The following RASA1 variants were observed in gnomAD, a reference collection of about 807,000 sequenced individuals.
RASA1 encodes the protein ras GTPase-activating protein 1.
Under a neutral mutation model 132.2 loss-of-function variants are expected in RASA1, and 25 were observed. The observed-to-expected ratio is 0.19, with a 90% CI of 0.14 to 0.26. The LOEUF (loss-of-function observed/expected upper bound fraction) is 0.26, where lower values mean the gene tolerates loss of function less well. RASA1 is among the 10% of genes least tolerant of loss of function. The pLI is 1.00. For missense variants in RASA1, 964 were observed against 1,299.2 expected, an observed-to-expected ratio of 0.74 and a Z score of 3.97; for synonymous variants, 477 against 449.9, an observed-to-expected ratio of 1.06 and a Z score of -0.76.
At chr5:87,331,551 A>ATT in intron 2 of RASA1, 51 bp downstream of exon 2, 1 of 1,557,898 alleles carries the variant, frequency 6.4e-7, no homozygotes, top group South Asian at 1.1e-5. Flanking sequence ...ATTTTGATAT[A>ATT]ATATTCATAA....
intron 1 of RASA1, among the ~76,000 whole-genome samples, chr5:87,269,887 G>C (rs1042787032): frequency 1.3e-5 from 2 of 152,122 alleles, no homozygotes; most frequent in Admixed American, 1.3e-4. Context: ...GTTGAGATGG[G>C]AAGTGTTATT....
At position 87,376,480 on chromosome 5, in the gene RASA1, G is replaced by T. The variant is rs753600180; in HGVS notation, c.2099G>T (p.Gly700Val). ...FLLSSHIPLK[G>V]IEPGSLRVRA... ...CTCAGCTCCCATATACCATTAAAAG[G>T]TATTGAACCAGGGTCCCTGCGTGTT... Residue 700 changes from glycine (G) to valine (V), a missense_variant, in exon 16 of 25, where the codon GGT (glycine) becomes GTT (valine). Transcript: ENST00000274376. 1.9e-6 allele frequency: 3 copies of T among 1,613,978 alleles called. No individual in the cohort carries two copies. Among genetic ancestry groups the T allele is most frequent in the Non-Finnish European group, 2.5e-6 (3 of 1,179,948 alleles).
chr5:87,286,369 A>T (rs1020757770), intron 1 of RASA1, among the ~76,000 whole-genome samples: 47 of 151,260 alleles, frequency 3.1e-4, no homozygotes, highest in African/African-American at 1.0e-3. Context: ...CCTTTTACTG[A>T]TCTCTTCCTC....
intron 1 of RASA1, among the ~76,000 whole-genome samples, chr5:87,298,078 A>AG (rs1454240548): frequency 1.3e-5 from 2 of 152,050 alleles, no homozygotes; most frequent in Non-Finnish European, 2.9e-5. Context: ...TTTACTTGTT[A>AG]GGATGGAGTG....
Position 87,391,219 on chromosome 5 carries a change from G to C in RASA1, c.*336G>C, listed in dbSNP as rs958450977. 2.3e-6 allele frequency: 1 copy of C among 437,448 alleles called. No individual in the cohort carries two copies. Among genetic ancestry groups the C allele is most frequent in the East Asian group, 3.8e-5 (1 of 26,116 alleles). 27.1% of individuals were successfully genotyped at this position (437,448 alleles called of 1,614,324 possible). The stretch of plus-strand genomic sequence containing the variant: ...AAATATATTTTCAGTACACCCAGTT[G>C]CCAAAGTTTTGCTGTCTCTTAGAGA... On this transcript the variant is annotated 3_prime_UTR_variant, in exon 25 of 25. Transcript: ENST00000274376.
At chr5:87,277,146 G>A (rs1754100348) in intron 1 of RASA1, among the ~76,000 whole-genome samples, 1 of 152,066 alleles carries the variant, frequency 6.6e-6, no homozygotes, top group African/African-American at 2.4e-5. Context: ...CCTCATTGTT[G>A]AGGAAACTGA....
At chr5:87,380,805 AT>A (rs1321979866) in intron 20 of RASA1, among the ~76,000 whole-genome samples, 5 of 152,174 alleles carry the variant, frequency 3.3e-5, no homozygotes, top group African/African-American at 1.2e-4. Flanking sequence ...ATGAACATTC[AT>A]TTATAGTCAA....
chr5:87,362,127 C>T (rs1760149493), intron 9 of RASA1, among the ~76,000 whole-genome samples: 1 of 152,158 alleles, frequency 6.6e-6, no homozygotes, highest in Non-Finnish European at 1.5e-5. Flanking sequence ...TGTCTGTATT[C>T]ACCTAGCATT....
chr5:87,289,024 G>A (rs866206696), intron 1 of RASA1, among the ~76,000 whole-genome samples: 18 of 152,008 alleles, frequency 1.2e-4, no homozygotes, highest in African/African-American at 3.4e-4. Flanking sequence ...CTATAGTGTC[G>A]TTTATATTTG....
At chr5:87,269,990 C>A (rs1194088342) in intron 1 of RASA1, among the ~76,000 whole-genome samples, 1 of 152,000 alleles carries the variant, frequency 6.6e-6, no homozygotes, top group African/African-American at 2.4e-5. Flanking sequence ...ACCTGTAATC[C>A]CAGCACTTTG....
intron 11 of RASA1, 76 bp downstream of exon 11, chr5:87,363,580 T>C: frequency 6.7e-7 from 1 of 1,496,044 alleles, no homozygotes; most frequent in Middle Eastern, 2.1e-4. Context: ...AAACCAATTT[T>C]GAGAGCCCTA....
Position 87,268,936 on chromosome 5 carries a change from C to T in RASA1, c.485C>T (p.Pro162Leu). 6.2e-7 allele frequency: 1 copy of T among 1,614,170 alleles called. No individual in the cohort carries two copies. Among genetic ancestry groups the T allele is most frequent in the Non-Finnish European group, 8.5e-7 (1 of 1,180,018 alleles). Residue 162 changes from proline (P) to leucine (L), a missense_variant, in exon 1 of 25, where the codon CCA becomes CTA. This residue lies in a region of RASA1 where 326 missense variants were observed against 275.8 expected (regional missense o/e 1.18). Coordinates refer to ENST00000274376, the MANE Select transcript of RASA1 (RefSeq NM_002890.3). ...GACGAAGGTGACTCTCTGGATGGAC[C>T]AGAATACGAGGAGGAAGAGGTGGCC... ...TVDEGDSLDGPEYEEEEVAIP... is the reference protein window; with the variant it reads ...TVDEGDSLDGLEYEEEEVAIP...
chr5:87,317,346 G>T (rs1756421130), intron 1 of RASA1, among the ~76,000 whole-genome samples: 1 of 151,820 alleles, frequency 6.6e-6, no homozygotes, highest in African/African-American at 2.4e-5. Context: ...TCATTAGATG[G>T]CCTCGATTAC....
chr5:87,353,627 C>G lies in RASA1; in HGVS notation c.1332+392C>G, dbSNP rs141763002. Among the ~76,000 whole-genome samples the G allele has an allele frequency of 4.1e-3, 620 of 152,058 alleles. 6 individuals are homozygous for G. Among genetic ancestry groups the G allele is most frequent in the African/African-American group, 0.014 (596 of 41,504 alleles). The stretch of plus-strand genomic sequence containing the variant: ...GGGCAAAAAATGGTTTACACTTTTT[C>G]TTTGTTTATTTGCCTGTAGTTTTAC... On this transcript the variant is annotated intron_variant, in intron 9 of 24. Transcript: ENST00000274376.
At chr5:87,349,831 C>T (rs1280200051) in intron 8 of RASA1, among the ~76,000 whole-genome samples, 1 of 151,872 alleles carries the variant, frequency 6.6e-6, no homozygotes, top group Non-Finnish European at 1.5e-5. Context: ...TTACTTCTCA[C>T]TTTCAAAGTA....
Position 87,376,466 on chromosome 5 carries a change from T to C in RASA1, c.2085T>C (p.His695=), listed in dbSNP as rs1357155666. 1.2e-6 allele frequency: 2 copies of C among 1,614,002 alleles called. No individual in the cohort carries two copies. Among genetic ancestry groups the C allele is most frequent in the South Asian group, 1.1e-5 (1 of 91,082 alleles). ...ATDEWFLLSS[H]IPLKGIEPGS... is the part of the protein sequence containing the mutation. ...ATGAATGGTTTCTGCTCAGCTCCCA[T>C]ATACCATTAAAAGGTATTGAACCAG... The change falls in exon 16 of 25, where the codon CAT becomes CAC. Residue 695 remains histidine (H), a synonymous_variant. Coordinates refer to ENST00000274376, the MANE Select transcript of RASA1 (RefSeq NM_002890.3).
At chr5:87,304,521 A>G (rs900739822) in intron 1 of RASA1, among the ~76,000 whole-genome samples, 1 of 149,872 alleles carries the variant, frequency 6.7e-6, no homozygotes, top group Admixed American at 6.7e-5. Context: ...AGGCCGGAGT[A>G]CAGTGCTACA....
At chr5:87,313,933 T>C (rs1232460200) in intron 1 of RASA1, among the ~76,000 whole-genome samples, 1 of 152,112 alleles carries the variant, frequency 6.6e-6, no homozygotes, top group Non-Finnish European at 1.5e-5. Context: ...TTTGGGAGGC[T>C]GAGGTGGGCG....
At chr5:87,283,664 T>C (rs917417866) in intron 1 of RASA1, among the ~76,000 whole-genome samples, 1 of 152,018 alleles carries the variant, frequency 6.6e-6, no homozygotes, top group African/African-American at 2.4e-5. Context: ...TATGAGAACA[T>C]TGAGATGTGG....
Sources: gnomAD v4.1 joint callset for allele counts (sites outside exome capture counted in the v4.1 genomes callset) on GRCh38, gnomAD v4.1.1 for gene constraint, gnomAD v4.1.1 regional missense constraint, MANE v1.5 for transcripts, NCBI Gene and HGNC (gene_info 2026-07-23, HGNC 2026-07-21) for gene names.